GRM3: variants seen among roughly 807,000 people sequenced by gnomAD.
GRM3 encodes glutamate metabotropic receptor 3, also known as metabotropic glutamate receptor 3.
Under a neutral mutation model 70.5 loss-of-function variants are expected in GRM3, and 26 were observed. The observed-to-expected ratio is 0.37, with a 90% CI of 0.27 to 0.51. The LOEUF (loss-of-function observed/expected upper bound fraction) is 0.51. GRM3 is among the 20% of genes least tolerant of loss of function. The probability of loss-of-function intolerance (pLI) is 0.93; values close to 1 mark genes in which losing one functional copy is unlikely to be tolerated. For missense variants in GRM3, 859 were observed against 1,123.8 expected (o/e 0.76, Z 3.37); for synonymous variants, 443 against 434.9 (o/e 1.02, Z -0.23).
chr7:86,680,307 A>G (rs1426552061), intron 1 of GRM3, among the ~76,000 whole-genome samples: 1 of 152,206 alleles, frequency 6.6e-6, no homozygotes, highest in Non-Finnish European at 1.5e-5. Context: ...TATTGCCTTT[A>G]GTCACAATAT....
At chr7:86,645,286 G>A (rs1445941374) in intron 1 of GRM3, among the ~76,000 whole-genome samples, 1 of 152,126 alleles carries the variant, frequency 6.6e-6, no homozygotes, top group Non-Finnish European at 1.5e-5. Context: ...GTTTCATGTG[G>A]GTGTGGAGGT....
chr7:86,861,772 A>G (rs2115620061), intron 5 of GRM3, among the ~76,000 whole-genome samples: 1 of 152,346 alleles, frequency 6.6e-6, no homozygotes, highest in African/African-American at 2.4e-5. Flanking sequence ...AAGCCAGAAT[A>G]AAGAGTTAGA....
Position 86,839,502 on chromosome 7 carries a change from C to A in GRM3, c.1988C>A (p.Thr663Lys). 1 of 1,608,952 alleles carries A rather than the reference C, an allele frequency of 6.2e-7. No homozygotes were observed. Among genetic ancestry groups the A allele is most frequent in the Non-Finnish European group, 8.5e-7 (1 of 1,177,060 alleles). ...AICYSALLTK[T>K]NCIARIFDGV... is the part of the protein sequence containing the mutation. Reference sequence around the variant, plus strand: ...TGTTACTCAGCCCTGCTGACCAAGACAAACTGCATTGCCCGCATCTTCGAT... The same window carrying A: ...TGTTACTCAGCCCTGCTGACCAAGAAAAACTGCATTGCCCGCATCTTCGAT... Residue 663 changes from threonine (T) to lysine (K), a missense_variant, in exon 4 of 6, where the codon ACA becomes AAA. Transcript: ENST00000361669. This position sits in a 1 kb window ranked among gnomAD's most constrained non-coding sequence, Gnocchi z 4.5.
intron 1 of GRM3, among the ~76,000 whole-genome samples, chr7:86,707,629 G>A (rs1232703976): frequency 6.6e-6 from 1 of 152,092 alleles, no homozygotes; most frequent in East Asian, 1.9e-4. Flanking sequence ...TGGATAAAGT[G>A]GCTTGTAATT....
At position 86,753,939 on chromosome 7, in the gene GRM3, G is replaced by A. The variant is rs533887729; in HGVS notation, c.-140-11067G>A. On this transcript the variant is annotated intron_variant, in intron 1 of 5. Transcript: ENST00000361669. The stretch of plus-strand genomic sequence containing the variant: ...GTGACACTGAACACAGCCTTGGGAA[G>A]AGATATGTGTAATTGGTTTTTGAGA... Among the ~76,000 whole-genome samples the A allele has an allele frequency of 2.6e-3, 391 of 152,222 alleles. 2 individuals carry two copies. In the Middle Eastern group the frequency reaches 0.031, roughly 12 times the overall value.
intron 1 of GRM3, among the ~76,000 whole-genome samples, chr7:86,656,728 C>T (rs1473494851): frequency 6.6e-6 from 1 of 151,966 alleles, no homozygotes; most frequent in Non-Finnish European, 1.5e-5. Flanking sequence ...AATATATTTA[C>T]TCATTGAATG....
intron 3 of GRM3, among the ~76,000 whole-genome samples, chr7:86,820,733 TAAC>T (rs1397475789): frequency 6.6e-6 from 1 of 152,068 alleles, no homozygotes; most frequent in African/African-American, 2.4e-5. Context: ...GAGTTAAAAT[TAAC>T]AACACAAAAT....
intron 3 of GRM3, among the ~76,000 whole-genome samples, chr7:86,798,105 T>C (rs986092039): frequency 6.6e-6 from 1 of 152,166 alleles, no homozygotes; most frequent in African/African-American, 2.4e-5. Context: ...GGAGCCTTCA[T>C]GGAGAACCTC....
At chr7:86,753,972 C>G (rs957093682) in intron 1 of GRM3, among the ~76,000 whole-genome samples, 1 of 152,070 alleles carries the variant, frequency 6.6e-6, no homozygotes, top group East Asian at 1.9e-4. Context: ...AGAGATGGTA[C>G]CAGCCAACTA....
At chr7:86,715,123 G>A (rs1795284807) in intron 1 of GRM3, among the ~76,000 whole-genome samples, 1 of 151,954 alleles carries the variant, frequency 6.6e-6, no homozygotes, top group Non-Finnish European at 1.5e-5. Flanking sequence ...CCACCTTCTG[G>A]CAGGTGTCAT....
intron 3 of GRM3, among the ~76,000 whole-genome samples, chr7:86,829,798 A>G (rs1367853755): frequency 6.6e-6 from 1 of 152,224 alleles, no homozygotes; most frequent in East Asian, 1.9e-4. Flanking sequence ...AAGTTGAAAT[A>G]TTGCAAGAGG....
intron 1 of GRM3, among the ~76,000 whole-genome samples, chr7:86,749,919 G>A (rs914050982): frequency 6.6e-6 from 1 of 152,006 alleles, no homozygotes; most frequent in African/African-American, 2.4e-5. Context: ...CCACTACTCA[G>A]TGACTGAGGA....
At chr7:86,726,434 G>T (rs922482279) in intron 1 of GRM3, among the ~76,000 whole-genome samples, 4 of 152,138 alleles carry the variant, frequency 2.6e-5, no homozygotes, top group East Asian at 1.9e-4. Flanking sequence ...CTCATTTCTA[G>T]ATTGAAATTA....
chr7:86,664,613 A>T (rs1454516108), intron 1 of GRM3, among the ~76,000 whole-genome samples: 1 of 151,910 alleles, frequency 6.6e-6, no homozygotes, highest in East Asian at 1.9e-4. Context: ...GGGATTTTGT[A>T]ACAAAGAATC....
chr7:86,660,725 G>A (rs142381041), intron 1 of GRM3, among the ~76,000 whole-genome samples: 63 of 152,088 alleles, frequency 4.1e-4, no homozygotes, highest in African/African-American at 1.5e-3. Context: ...TTAAGCATTT[G>A]AAGATTAATC....
intron 1 of GRM3, among the ~76,000 whole-genome samples, chr7:86,680,285 A>G (rs1794412431): frequency 6.6e-6 from 1 of 152,170 alleles, no homozygotes; most frequent in Admixed American, 6.6e-5. Flanking sequence ...AGGACTCAGG[A>G]TGTGTATTTA....
chr7:86,752,682 T>G (rs1373973968), intron 1 of GRM3, among the ~76,000 whole-genome samples: 3 of 152,076 alleles, frequency 2.0e-5, no homozygotes, highest in African/African-American at 7.2e-5. Flanking sequence ...CTAATAAGTG[T>G]TATAGAGGAC....
At chr7:86,681,416 T>C (rs1316678470) in intron 1 of GRM3, among the ~76,000 whole-genome samples, 1 of 152,206 alleles carries the variant, frequency 6.6e-6, no homozygotes, top group Admixed American at 6.5e-5. Flanking sequence ...TTTTCCTCTT[T>C]TTCTATATCA....
At chr7:86,833,121 A>C (rs1798386567) in intron 3 of GRM3, 2 of 981,144 alleles carry the variant, frequency 2.0e-6, no homozygotes, top group South Asian at 9.4e-5. Context: ...TTAACTTGAG[A>C]AACAGCAAAT....
Sources: allele counts gnomAD v4.1 joint callset (sites outside exome capture counted in the v4.1 genomes callset), GRCh38; gene constraint gnomAD v4.1.1; non-coding constraint Gnocchi (gnomAD v3.1); transcripts MANE v1.5; gene names NCBI Gene and HGNC (gene_info 2026-07-23, HGNC 2026-07-21).